The following NECTIN1 variants were observed in gnomAD, a reference collection of about 807,000 sequenced individuals.
NECTIN1 encodes the protein nectin-1.
Under a neutral mutation model 48.0 loss-of-function variants are expected in NECTIN1, and 23 were observed. The observed-to-expected ratio is 0.48, with a 90% confidence interval of 0.34 to 0.68. NECTIN1 has a LOEUF of 0.68. Among genes scored for constraint, NECTIN1 ranks in the 30% least tolerant of loss-of-function variants. The probability of loss-of-function intolerance (pLI) is 0.01; values close to 1 mark genes in which losing one functional copy is unlikely to be tolerated. For missense variants in NECTIN1, 591 were observed against 709.9 expected, an observed-to-expected ratio of 0.83 and a Z score of 1.90; for synonymous variants, 270 against 288.9, an observed-to-expected ratio of 0.93 and a Z score of 0.66.
rs1386774600 is a variant in NECTIN1 at position 119,683,568 on chromosome 11, T to G, written c.80-4803A>C. On this transcript the variant is annotated intron_variant, in intron 1 of 5. Transcript: ENST00000264025. This position sits in a 1 kb window ranked among gnomAD's most constrained non-coding sequence, Gnocchi z 4.0. The stretch of plus-strand genomic sequence containing the variant: ...AGGTCAGAAACAGGGGCTTTGGGGA[T>G]CCCGGGTGTGTGTGTGTGTGTGTGT... Among the ~76,000 whole-genome samples the G allele has an allele frequency of 7.3e-6, 1 of 136,464 alleles. No individual in the cohort carries two copies. Among genetic ancestry groups the G allele is most frequent in the Admixed American group, 7.8e-5 (1 of 12,846 alleles). The allele number at this position is 136,464 out of a possible 152,430, so 89.5% of individuals were successfully genotyped here.
At chr11:119,708,207 A>G (rs1031126343) in intron 1 of NECTIN1, among the ~76,000 whole-genome samples, 4 of 152,126 alleles carry the variant, frequency 2.6e-5, no homozygotes, top group African/African-American at 4.8e-5. Context: ...AGACAGAGAT[A>G]GAGACAGAGA....
chr11:119,667,835 A>G (rs1864800049), intron 5 of NECTIN1, among the ~76,000 whole-genome samples: 1 of 152,178 alleles, frequency 6.6e-6, no homozygotes, highest in Non-Finnish European at 1.5e-5. Context: ...TTTAGGGTAC[A>G]TAGTTCTCGC....
At chr11:119,660,466 G>A (rs1864642279), downstream of NECTIN1, among the ~76,000 whole-genome samples, 1 of 152,110 alleles carries the variant, frequency 6.6e-6, no homozygotes, top group Non-Finnish European at 1.5e-5. Flanking sequence ...CAGTAGCTTC[G>A]AAATAGAAGA....
At chr11:119,692,095 G>C (rs1262822808) in intron 1 of NECTIN1, among the ~76,000 whole-genome samples, 1 of 70,304 alleles carries the variant, frequency 1.4e-5, no homozygotes, top group Non-Finnish European at 2.7e-5. Context: ...TTCGAGAGTG[G>C]GGTCTTTCCC....
chr11:119,648,322 ATGG>A (rs1298252121), intron 5 of NECTIN1, among the ~76,000 whole-genome samples: 1 of 4,256 alleles, frequency 2.3e-4, no homozygotes, highest in African/African-American at 9.0e-4. Flanking sequence ...GGTGATGGTG[ATGG>A]TGGTGATGGT....
rs1864894071 is a variant in NECTIN1 at position 119,673,500 on chromosome 11, A to T, written c.1003+1659T>A. ...GGTATCACCACGCAGGGAGTACTGC[A>T]TGATCGTAAGAAGCCTGAGACAAGT... On this transcript the variant is annotated intron_variant, in intron 5 of 5. Transcript: ENST00000264025. The surrounding 1 kb of genome is among the most constrained non-coding windows in gnomAD (Gnocchi z 5.8). 6.6e-6 allele frequency among the ~76,000 whole-genome samples: 1 copy of T among 152,178 alleles called. No homozygotes were observed. The highest frequency in any genetic ancestry group is 1.5e-5 in the Non-Finnish European group (1 of 68,024).
intron 1 of NECTIN1, among the ~76,000 whole-genome samples, chr11:119,694,858 C>A (rs1192471167): frequency 1.3e-5 from 2 of 152,172 alleles, no homozygotes; most frequent in East Asian, 3.9e-4. Context: ...CACTGAACTC[C>A]TCTCTCCAGC....
At chr11:119,671,672 C>G (rs935924763) in intron 5 of NECTIN1, among the ~76,000 whole-genome samples, 58 of 152,192 alleles carry the variant, frequency 3.8e-4, no homozygotes, top group African/African-American at 1.3e-3. Context: ...ACTACACCCC[C>G]CAGCATGCAG....
intron 1 of NECTIN1, among the ~76,000 whole-genome samples, chr11:119,726,972 G>C (rs1865917565): frequency 1.3e-5 from 2 of 152,054 alleles, no homozygotes; most frequent in Non-Finnish European, 2.9e-5. Context: ...CCACCCTCTG[G>C]GGGCAGGGTG....
At chr11:119,666,141 G>A (rs911289873) in intron 5 of NECTIN1, among the ~76,000 whole-genome samples, 4 of 152,212 alleles carry the variant, frequency 2.6e-5, no homozygotes, top group Admixed American at 6.5e-5. Flanking sequence ...CAGAAATGGG[G>A]GTGAAAGCAT....
chr11:119,720,272 G>C (rs1865805678), intron 1 of NECTIN1, among the ~76,000 whole-genome samples: 2 of 152,282 alleles, frequency 1.3e-5, no homozygotes, highest in Non-Finnish European at 2.9e-5. Flanking sequence ...GGGACTGAGG[G>C]AGAAGGTGCA....
At chr11:119,714,094 C>T (rs1865707111) in intron 1 of NECTIN1, among the ~76,000 whole-genome samples, 1 of 152,142 alleles carries the variant, frequency 6.6e-6, no homozygotes, top group South Asian at 2.1e-4. Context: ...GCCATTGCTG[C>T]AGGAACCCCA....
chr11:119,695,743 G>T (rs990513785), intron 1 of NECTIN1, among the ~76,000 whole-genome samples: 2 of 152,198 alleles, frequency 1.3e-5, no homozygotes. Flanking sequence ...CTGATGGGCT[G>T]CATATGTGGG....
At chr11:119,717,657 T>G (rs149862864) in intron 1 of NECTIN1, among the ~76,000 whole-genome samples, 246 of 152,132 alleles carry the variant, frequency 1.6e-3, no homozygotes, top group African/African-American at 5.5e-3. Flanking sequence ...TGCCTAGGAG[T>G]TGCTGCAGAA....
At position 119,677,200 on chromosome 11, in the gene NECTIN1, A is replaced by G. The variant is rs754682484; in HGVS notation, c.753T>C (p.Ile251=). 12 of 1,613,856 alleles carry G rather than the reference A, an allele frequency of 7.4e-6. No homozygotes were observed. In the Admixed American group the frequency reaches 2.0e-4, roughly 27 times the overall value. The change falls in exon 4 of 6, where the codon ATT becomes ATC. Residue 251 remains isoleucine (I), a synonymous_variant. Transcript: ENST00000264025. This position sits in a 1 kb window ranked among gnomAD's most constrained non-coding sequence, Gnocchi z 5.4. ...LNVQYEPEVT[I]EGFDGNWYLQ... Reference sequence around the variant, plus strand: ...GGTACCAGTTGCCATCAAACCCCTCAATGGTTACCTCAGGCTCATCTGTGG... The same window carrying G: ...GGTACCAGTTGCCATCAAACCCCTCGATGGTTACCTCAGGCTCATCTGTGG...
chr11:119,721,746 G>A (rs935686230), intron 1 of NECTIN1, among the ~76,000 whole-genome samples: 1 of 152,202 alleles, frequency 6.6e-6, no homozygotes, highest in Non-Finnish European at 1.5e-5. Context: ...AGGGCTCCGT[G>A]CTCACACCTC....
At chr11:119,657,739 AAATAATAATAATAAT>A (rs57059976), downstream of NECTIN1, among the ~76,000 whole-genome samples, 6 of 128,298 alleles carry the variant, frequency 4.7e-5, no homozygotes, top group Admixed American at 8.2e-5. Context: ...TGTCTCTATA[AAATAATAATAATAAT>A]AATAATAATA....
At chr11:119,721,920 A>G (rs1309497735) in intron 1 of NECTIN1, among the ~76,000 whole-genome samples, 1 of 152,092 alleles carries the variant, frequency 6.6e-6, no homozygotes, top group African/African-American at 2.4e-5. Flanking sequence ...TATATCCTCA[A>G]CTTATTACTC....
At chr11:119,645,027 A>G (rs1591436606) in intron 5 of NECTIN1, among the ~76,000 whole-genome samples, 2 of 152,186 alleles carry the variant, frequency 1.3e-5, no homozygotes, top group Admixed American at 1.3e-4. Context: ...AGAGCTCCCC[A>G]GGGCAGCCAC....
Sources: gnomAD v4.1 joint callset for allele counts (sites outside exome capture counted in the v4.1 genomes callset) on GRCh38, gnomAD v4.1.1 for gene constraint, Gnocchi (gnomAD v3.1) non-coding constraint, MANE v1.5 for transcripts, NCBI Gene and HGNC (gene_info 2026-07-23, HGNC 2026-07-21) for gene names.